MRPL39: variants seen among roughly 807,000 people sequenced by gnomAD.
The protein encoded by MRPL39 is large ribosomal subunit protein mL39.
A neutral mutation model predicts 44.5 loss-of-function variants in MRPL39; 35 were observed. The observed-to-expected ratio is 0.79, with a 90% confidence interval of 0.60 to 1.04. The LOEUF (loss-of-function observed/expected upper bound fraction) is 1.04. Ranked by LOEUF, MRPL39 falls within the 50% of genes least tolerant of loss-of-function variation. The pLI is 0.00. For synonymous variants in MRPL39, 139 were observed against 136.1 expected (o/e 1.02, Z -0.15); for missense variants, 433 against 413.5 (o/e 1.05, Z -0.41).
In MRPL39 at chr21:25,597,367, T is replaced by G; in HGVS notation, c.636A>C (p.Lys212Asn). 6.2e-7 allele frequency: 1 copy of G among 1,603,224 alleles called. No homozygotes were observed. Among genetic ancestry groups the G allele is most frequent in the Non-Finnish European group, 8.5e-7 (1 of 1,173,192 alleles). The change falls in exon 6 of 10, where the codon AAA becomes AAC. Residue 212 changes from lysine (K) to asparagine (N), a missense_variant. Lys to Asn is a moderately conservative substitution (Grantham distance 94). Coordinates refer to ENST00000352957, the MANE Select transcript of MRPL39 (RefSeq NM_017446.4). ...CTTCCAGAGTTTCAAATGGAAGATCTTTATAAATTAAAGCATGAGCATCTT... is the reference window on the plus strand; with the variant it reads ...CTTCCAGAGTTTCAAATGGAAGATCGTTATAAATTAAAGCATGAGCATCTT... ...FTKDAHALIY[K>N]DLPFETLEVE...
intron 4 of MRPL39, among the ~76,000 whole-genome samples, chr21:25,600,878 C>T (rs2031501270): frequency 1.3e-5 from 2 of 152,158 alleles, no homozygotes; most frequent in South Asian, 4.1e-4. Flanking sequence ...GAGGCCGAGG[C>T]AGGCAGATCA....
chr21:25,589,779 C>T (rs1341904626), intron 8 of MRPL39, among the ~76,000 whole-genome samples: 1 of 151,552 alleles, frequency 6.6e-6, no homozygotes, highest in Non-Finnish European at 1.5e-5. Flanking sequence ...CATACAAACC[C>T]TTCCAGGGAA....
Position 25,599,132 on chromosome 21 carries a change from T to C in MRPL39, c.588+667A>G, listed in dbSNP as rs964970116. Among the ~76,000 whole-genome samples, 4 of 152,358 alleles carry C rather than the reference T, an allele frequency of 2.6e-5. No homozygotes were observed. The East Asian group carries it at 7.7e-4, about 29-fold the overall frequency. ...ATAACCATCAGCACCCCTTACCTAC[T>C]GAGCACCTGATCTAGACTGTCCTTG... is the stretch of plus-strand genomic sequence containing the variant. On this transcript the variant is annotated intron_variant, in intron 5 of 9. Transcript: ENST00000352957.
At chr21:25,606,748 T>C (rs2031688298) in intron 1 of MRPL39, 93 bp from the exon 2 acceptor site, 2 of 964,118 alleles carry the variant, frequency 2.1e-6, no homozygotes, top group Admixed American at 4.8e-5. Flanking sequence ...CAATTTGTAA[T>C]ATTAACAAAC....
In MRPL39 at chr21:25,604,073, C is replaced by T. The variant is rs530021497; in HGVS notation, c.281-138G>A. The T allele has an allele frequency of 5.7e-5, 43 of 750,954 alleles. No individual in the cohort carries two copies. In the African/African-American group the frequency reaches 6.1e-4, roughly 11 times the overall value. The allele number at this position is 750,954 out of a possible 1,614,324, so 46.5% of individuals were successfully genotyped here. A position where few individuals can be genotyped will look rare whatever the true frequency, so the allele number is the denominator to read the frequency against. On this transcript the variant is annotated intron_variant, in intron 2 of 9. Coordinates refer to ENST00000352957, the MANE Select transcript of MRPL39 (RefSeq NM_017446.4). ...CTTTTTAGAGAAAAAAAGTATATTACGTCTATAATCAATTAAAAAAAAAAA... is the reference window on the plus strand; with the variant it reads ...CTTTTTAGAGAAAAAAAGTATATTATGTCTATAATCAATTAAAAAAAAAAA...
intron 5 of MRPL39, among the ~76,000 whole-genome samples, chr21:25,598,462 A>G (rs201927042): frequency 1.2e-5 from 1 of 83,558 alleles, no homozygotes. Flanking sequence ...AAGAGAGAGA[A>G]AGAAAGAAAA....
At chr21:25,603,592 C>A (rs1053639981) in intron 3 of MRPL39, among the ~76,000 whole-genome samples, 15 of 152,042 alleles carry the variant, frequency 9.9e-5, no homozygotes, top group Non-Finnish European at 2.2e-4. Context: ...AAAGACATAG[C>A]ATACAAAAAT....
At chr21:25,602,366 AT>A (rs1262905944) in intron 3 of MRPL39, among the ~76,000 whole-genome samples, 3 of 152,180 alleles carry the variant, frequency 2.0e-5, no homozygotes, top group Admixed American at 6.5e-5. Context: ...GTCTCAGTTT[AT>A]TCATCGGGAA....
In MRPL39 at chr21:25,604,887, G is replaced by A. The variant is rs186171085; in HGVS notation, c.281-952C>T. On this transcript the variant is annotated intron_variant, in intron 2 of 9. Transcript: ENST00000352957. ...GACTGCAAGCATGAATGACAAGAACGTCTCATTGCAGGGGTCATGCTGAGG... is the reference window on the plus strand; with the variant it reads ...GACTGCAAGCATGAATGACAAGAACATCTCATTGCAGGGGTCATGCTGAGG... Among the ~76,000 whole-genome samples the A allele has an allele frequency of 2.2e-4, 33 of 152,276 alleles. 1 individual carries two copies. The highest frequency in any genetic ancestry group is 3.9e-4 in the East Asian group (2 of 5,184).
intron 9 of MRPL39, chr21:25,587,822 A>C: frequency 6.7e-7 from 1 of 1,498,576 alleles, no homozygotes; most frequent in Non-Finnish European, 9.3e-7. Flanking sequence ...AGAAATAAGC[A>C]AACTTGAAAA....
chr21:25,599,841 G>A lies in MRPL39; in HGVS notation c.546C>T (p.Asp182=), dbSNP rs772207154. ...CATCAAGTTTGCTATCCAAAACTACGTCATAACAGAAGGCACCAGAAATTA... is the reference window on the plus strand; with the variant it reads ...CATCAAGTTTGCTATCCAAAACTACATCATAACAGAAGGCACCAGAAATTA... The part of the protein sequence containing the change: ...VPVISGAFCY[D]VVLDSKLDEW... Residue 182 remains aspartate, a synonymous_variant, in exon 5 of 10, where the codon GAC becomes GAT. Transcript: ENST00000352957. 42 of 1,613,500 alleles carry A rather than the reference G, an allele frequency of 2.6e-5. No homozygotes were observed. The highest frequency in any genetic ancestry group is 5.3e-5 in the African/African-American group (4 of 74,898).
chr21:25,599,734 T>C (rs908399691), intron 5 of MRPL39, 65 bp downstream of exon 5: 9 of 1,313,138 alleles, frequency 6.9e-6, no homozygotes, highest in South Asian at 1.2e-5. Context: ...AATACTAACA[T>C]AGGAATCATT....
At chr21:25,597,211 A>G in intron 6 of MRPL39, 91 bp downstream of exon 6, 1 of 787,046 alleles carries the variant, frequency 1.3e-6, no homozygotes, top group South Asian at 1.7e-5. Context: ...TCACATGTAT[A>G]TCAAATATAA....
intron 8 of MRPL39, among the ~76,000 whole-genome samples, chr21:25,590,410 C>T (rs888962388): frequency 6.6e-6 from 1 of 151,714 alleles, no homozygotes. Flanking sequence ...GCAAGAAAAC[C>T]TCATAATGTT....
chr21:25,592,740 C>G lies in MRPL39; in HGVS notation c.921+72G>C, dbSNP rs1601372040. ...AAATTAAAAGTTTATATTCTTCAAACTGGTATAAAATCAAGTCCGGAATTA... is the reference window on the plus strand; with the variant it reads ...AAATTAAAAGTTTATATTCTTCAAAGTGGTATAAAATCAAGTCCGGAATTA... On this transcript the variant is annotated intron_variant, in intron 8 of 9. Coordinates refer to ENST00000352957, the MANE Select transcript of MRPL39 (RefSeq NM_017446.4). 1.2e-5 allele frequency: 14 copies of G among 1,128,838 alleles called. No individual in the cohort carries two copies. The East Asian group carries it at 3.6e-4, about 29-fold the overall frequency. 69.9% of individuals were successfully genotyped at this position (1,128,838 alleles called of 1,614,324 possible).
At chr21:25,601,347 A>G (rs1365925003) in intron 4 of MRPL39, 21 bp downstream of exon 4, 1 of 1,448,504 alleles carries the variant, frequency 6.9e-7, no homozygotes, top group East Asian at 2.4e-5. Flanking sequence ...GATCACAAAA[A>G]GACATATATG....
chr21:25,588,925 T>C (rs990639985), intron 8 of MRPL39, 43 bp from the exon 9 acceptor site: 5 of 1,531,844 alleles, frequency 3.3e-6, no homozygotes, highest in South Asian at 2.3e-5. Context: ...GAAGCAGTAA[T>C]GTCAAAGTAA....
Position 25,592,947 on chromosome 21 carries a change from A to G in MRPL39, c.786T>C (p.Asp262=). 6.2e-7 allele frequency: 1 copy of G among 1,611,778 alleles called. No homozygotes were observed. The highest frequency in any genetic ancestry group is 8.5e-7 in the Non-Finnish European group (1 of 1,179,044). ...TTGGAATAAGAGGGCCCTCACTCAC[A>G]TCAATGAAGTCACCTATTCTGATTG... ...VKLHRIGDFI[D]VSEGPLIPRT... is the part of the protein sequence containing the mutation. Residue 262 remains aspartate, a synonymous_variant, in exon 8 of 10, where the codon GAT becomes GAC. Transcript: ENST00000352957.
intron 9 of MRPL39, among the ~76,000 whole-genome samples, chr21:25,586,659 G>T (rs574213848): frequency 3.2e-4 from 49 of 152,270 alleles, no homozygotes; most frequent in South Asian, 6.2e-4. Context: ...CATGTGACCT[G>T]TACATTCAAA....
Sources: gnomAD v4.1 joint callset for allele counts (sites outside exome capture counted in the v4.1 genomes callset) on GRCh38, gnomAD v4.1.1 for gene constraint, MANE v1.5 for transcripts, NCBI Gene and HGNC (gene_info 2026-07-23, HGNC 2026-07-21) for gene names.